SIN3B: variants seen among roughly 807,000 people sequenced by gnomAD.
SIN3B encodes the protein SIN3 transcription regulator family member B.
In SIN3B, 19 loss-of-function variants were observed where a neutral mutation model predicts 120.2. The ratio of observed to expected loss-of-function variants is 0.16; its 90% CI spans 0.11 to 0.23. SIN3B has a LOEUF of 0.23. Ranked by LOEUF, SIN3B falls within the 10% of genes least tolerant of loss-of-function variation. SIN3B has a pLI of 1.00. For synonymous variants in SIN3B, 654 were observed against 653.2 expected, an observed-to-expected ratio of 1.00 and a Z score of -0.02; for missense variants, 1,073 against 1,573.0, an observed-to-expected ratio of 0.68 and a Z score of 5.38.
chr19:16,877,670 C>G, intron 17 of SIN3B, 31 bp downstream of exon 17: 1 of 1,449,964 alleles, frequency 6.9e-7, no homozygotes, highest in Non-Finnish European at 9.6e-7. Context: ...TGCTCTGTTC[C>G]TTCCTTCCTG....
chr19:16,853,025 C>G, intron 6 of SIN3B, 44 bp from the exon 7 acceptor site: 2 of 1,528,824 alleles, frequency 1.3e-6, no homozygotes, highest in Non-Finnish European at 1.8e-6. Context: ...CAGAGGCCAC[C>G]GGTGGGAGGC....
intron 3 of SIN3B, among the ~76,000 whole-genome samples, chr19:16,835,311 C>T (rs1034896771): frequency 2.6e-5 from 4 of 151,294 alleles, no homozygotes; most frequent in African/African-American, 4.9e-5. Context: ...TCGCTGCATC[C>T]TCTGCCTCCC....
At chr19:16,853,246 G>C in intron 7 of SIN3B, 88 bp downstream of exon 7, 1 of 1,259,636 alleles carries the variant, frequency 7.9e-7, no homozygotes. Context: ...GGATTGGGGC[G>C]GGGAGCAGGT....
At chr19:16,833,712 G>A (rs1417469507) in intron 3 of SIN3B, among the ~76,000 whole-genome samples, 4 of 151,168 alleles carry the variant, frequency 2.6e-5, no homozygotes, top group African/African-American at 4.9e-5. Context: ...GCCAAGGAGC[G>A]AGTCTCAGGG....
intron 8 of SIN3B, among the ~76,000 whole-genome samples, chr19:16,857,199 CT>C (rs1391901477): frequency 2.6e-5 from 4 of 152,168 alleles, no homozygotes; most frequent in South Asian, 2.1e-4. Context: ...CATTCCTACA[CT>C]TGATGTTAAC....
intron 12 of SIN3B, among the ~76,000 whole-genome samples, chr19:16,868,896 G>A (rs765225469): frequency 2.0e-5 from 3 of 152,152 alleles, no homozygotes; most frequent in Non-Finnish European, 4.4e-5. Context: ...GACGATGGGC[G>A]TGCAGGTCTT....
intron 3 of SIN3B, among the ~76,000 whole-genome samples, chr19:16,832,867 A>G (rs1385352134): frequency 6.6e-6 from 1 of 152,100 alleles, no homozygotes; most frequent in Non-Finnish European, 1.5e-5. Flanking sequence ...TGAGAAAAAG[A>G]AAGCCTACTT....
chr19:16,875,986 C>T, intron 14 of SIN3B, 69 bp from the exon 15 acceptor site: 1 of 1,489,164 alleles, frequency 6.7e-7, no homozygotes, highest in Non-Finnish European at 9.0e-7. Context: ...TTGTCGACTT[C>T]CTCTGTGGGT....
At chr19:16,846,787 A>G (rs73928669) in intron 4 of SIN3B, among the ~76,000 whole-genome samples, 183 bp from the exon 5 acceptor site, 2,411 of 152,230 alleles carry the variant, frequency 0.016, 62 homozygotes, top group African/African-American at 0.055. Context: ...GGACCTGCCC[A>G]TGGCCGGGGC....
rs372083094 is a variant in SIN3B at position 16,847,299 on chromosome 19, G to A, written c.726+186G>A. ...TAGGCTCCACCTGCACAGCAAGCTCGTAAACGATTTGCCAAGGTGCTTCTC... is the reference window on the plus strand; with the variant it reads ...TAGGCTCCACCTGCACAGCAAGCTCATAAACGATTTGCCAAGGTGCTTCTC... On this transcript the variant is annotated intron_variant, in intron 5 of 18. Coordinates refer to ENST00000248054, the MANE Select transcript of SIN3B (RefSeq NM_001297595.2). Among the ~76,000 whole-genome samples, 38 of 152,320 alleles carry A rather than the reference G, an allele frequency of 2.5e-4. 1 individual carries two copies. In the South Asian group the frequency reaches 7.5e-3, roughly 30 times the overall value.
At chr19:16,848,003 C>T (rs1269200172) in intron 5 of SIN3B, among the ~76,000 whole-genome samples, 1 of 152,142 alleles carries the variant, frequency 6.6e-6, no homozygotes, top group Non-Finnish European at 1.5e-5. Context: ...GGAATGTCAC[C>T]ATATGTGGCC....
intron 3 of SIN3B, among the ~76,000 whole-genome samples, chr19:16,833,959 C>T (rs970986956): frequency 2.6e-5 from 4 of 151,926 alleles, no homozygotes; most frequent in Admixed American, 1.3e-4. Flanking sequence ...ACTCCTGACC[C>T]CGTGATTCGC....
chr19:16,870,318 G>T lies in SIN3B; in HGVS notation c.2422+243G>T, dbSNP rs527626674. On this transcript the variant is annotated intron_variant, in intron 13 of 18. Transcript: ENST00000248054. ...GGTGTAGCACCCTCTCCTGACTGGG[G>T]AACATTTGTTTCTCATGGGCTTTCT... is the stretch of plus-strand genomic sequence containing the variant. Among the ~76,000 whole-genome samples the T allele has an allele frequency of 5.9e-5, 9 of 152,230 alleles. No individual in the cohort carries two copies. The South Asian group carries it at 1.9e-3, about 32-fold the overall frequency.
intron 6 of SIN3B, 102 bp downstream of exon 6, chr19:16,851,636 G>A (rs1971547710): frequency 1.4e-6 from 2 of 1,413,042 alleles, no homozygotes; most frequent in Non-Finnish European, 1.9e-6. Flanking sequence ...CAGGGGTTCG[G>A]GGCTGGACCG....
At position 16,863,946 on chromosome 19, in the gene SIN3B, G is replaced by A. The variant is rs915816164; in HGVS notation, c.1383+150G>A. 3.1e-4 allele frequency: 188 copies of A among 610,398 alleles called. 1 individual carries two copies. The East Asian group carries it at 5.0e-3, about 16-fold the overall frequency. The allele number at this position is 610,398 out of a possible 1,614,324, so 37.8% of individuals were successfully genotyped here. On this transcript the variant is annotated intron_variant, in intron 10 of 18. Coordinates refer to ENST00000248054, the MANE Select transcript of SIN3B (RefSeq NM_001297595.2). ...CAACAGCTCCTGGAAGCTTCCTGCC[G>A]GGTCTTGCTGGCCTTTGGGCTGGCT... is the stretch of plus-strand genomic sequence containing the variant.
intron 12 of SIN3B, among the ~76,000 whole-genome samples, chr19:16,867,859 C>T (rs80303626): frequency 1.3e-5 from 2 of 152,062 alleles, no homozygotes; most frequent in Admixed American, 6.5e-5. Context: ...CTCTAGTCCT[C>T]GGCGATCCTC....
At chr19:16,836,471 C>T (rs1971350345) in intron 3 of SIN3B, among the ~76,000 whole-genome samples, 1 of 152,224 alleles carries the variant, frequency 6.6e-6, no homozygotes, top group South Asian at 2.1e-4. Context: ...CTAGTCCCTA[C>T]CCTGTGTCAT....
At chr19:16,875,856 T>TTGGTCTGGTCTGGTC (rs376985614) in intron 14 of SIN3B, 199 bp from the exon 15 acceptor site, 1 of 628,916 alleles carries the variant, frequency 1.6e-6, no homozygotes, top group Non-Finnish European at 2.7e-6. Context: ...TCTGGTCTGT[T>TTGGTCTGGTCTGGTC]TGGTCTGGTC....
chr19:16,846,937 A>G (rs1971486707), intron 4 of SIN3B, 33 bp from the exon 5 acceptor site: 2 of 1,608,600 alleles, frequency 1.2e-6, no homozygotes, highest in Non-Finnish European at 1.7e-6. Flanking sequence ...TCCTTGACTA[A>G]CGACTTATTT....
Sources: gnomAD v4.1 joint callset for allele counts (sites outside exome capture counted in the v4.1 genomes callset) on GRCh38, gnomAD v4.1.1 for gene constraint, MANE v1.5 for transcripts, NCBI Gene and HGNC (gene_info 2026-07-23, HGNC 2026-07-21) for gene names.